APC: variants seen among roughly 807,000 people sequenced by gnomAD.
APC encodes the protein APC regulator of Wnt signaling pathway.
Under a neutral mutation model 247.0 loss-of-function variants are expected in APC, and 72 were observed. That is an observed-to-expected ratio of 0.29 (90% CI 0.24 to 0.35). The LOEUF (loss-of-function observed/expected upper bound fraction) is 0.35. Among genes scored for constraint, APC ranks in the 10% least tolerant of loss-of-function variants. The probability of loss-of-function intolerance (pLI) is 1.00; values close to 1 mark genes in which losing one functional copy is unlikely to be tolerated. For missense variants in APC, 3,400 were observed against 3,360.7 expected, an observed-to-expected ratio of 1.01 and a Z score of -0.29; for synonymous variants, 1,254 against 1,162.5, an observed-to-expected ratio of 1.08 and a Z score of -1.60.
intron 8 of APC, 119 bp downstream of exon 8, chr5:112,801,502 T>C (rs903864660): frequency 1.4e-6 from 1 of 714,756 alleles, no homozygotes; most frequent in African/African-American, 1.8e-5. Flanking sequence ...TGAATGCATA[T>C]TTCCAGAAGC....
intron 14 of APC, among the ~76,000 whole-genome samples, chr5:112,832,670 C>G (rs2149832505): frequency 6.6e-6 from 1 of 152,284 alleles, no homozygotes; most frequent in Non-Finnish European, 1.5e-5. Context: ...CCCTGCCTTT[C>G]CTCATTCTAC....
At chr5:112,718,482 A>G (rs544857655) in intron 1 of APC, among the ~76,000 whole-genome samples, 9 of 152,286 alleles carry the variant, frequency 5.9e-5, no homozygotes, top group African/African-American at 1.4e-4. Flanking sequence ...CCGGAAGCCA[A>G]TGCTGTTTTC....
At chr5:112,803,971 T>A (rs372315407) in intron 8 of APC, among the ~76,000 whole-genome samples, 1 of 152,242 alleles carries the variant, frequency 6.6e-6, no homozygotes, top group East Asian at 1.9e-4. Context: ...TGTTGCTTAC[T>A]CTTCCAAGAG....
intron 1 of APC, among the ~76,000 whole-genome samples, chr5:112,716,453 G>A (rs969004918): frequency 1.9e-4 from 29 of 152,028 alleles, no homozygotes; most frequent in African/African-American, 7.0e-4. Flanking sequence ...TGTTTCAAAG[G>A]CCTGTTATTT....
intron 1 of APC, among the ~76,000 whole-genome samples, chr5:112,740,734 C>T (rs1055728747): frequency 6.6e-6 from 1 of 151,750 alleles, no homozygotes; most frequent in Non-Finnish European, 1.5e-5. Context: ...CCATGTTGCC[C>T]AGGGTGGTCT....
intron 6 of APC, among the ~76,000 whole-genome samples, chr5:112,791,935 G>T (rs926370266): frequency 2.0e-5 from 3 of 152,012 alleles, no homozygotes; most frequent in Admixed American, 6.6e-5. Context: ...ATAAAGTCCA[G>T]TGTATTACAA....
intron 15 of APC, among the ~76,000 whole-genome samples, chr5:112,835,755 G>A (rs996539889): frequency 1.5e-4 from 23 of 151,470 alleles, no homozygotes; most frequent in Non-Finnish European, 2.9e-5. Flanking sequence ...CTATTTTTTG[G>A]TAGAGATGGG....
chr5:112,760,768 A>T (rs1364327465), intron 2 of APC, among the ~76,000 whole-genome samples: 5 of 152,144 alleles, frequency 3.3e-5, no homozygotes, highest in African/African-American at 1.2e-4. Flanking sequence ...GGGAAAACCA[A>T]ACCAGTTAGT....
At chr5:112,785,863 T>G (rs1758885587) in intron 6 of APC, among the ~76,000 whole-genome samples, 1 of 152,068 alleles carries the variant, frequency 6.6e-6, no homozygotes. Flanking sequence ...AAAATAAATC[T>G]AAAATTAATA....
Position 112,843,321 on chromosome 5 carries a change from C to T in APC, c.7727C>T (p.Ala2576Val), listed in dbSNP as rs1580685926. The T allele has an allele frequency of 6.2e-7, 1 of 1,613,636 alleles. No individual in the cohort carries two copies. Among genetic ancestry groups the T allele is most frequent in the African/African-American group, 1.3e-5 (1 of 74,996 alleles). ...RTGSSSSILS[A>V]SSESSEKAKS... ...GGAAGTTCATCTTCAATTCTTTCTGCTTCATCAGAATCCAGTGAAAAAGCA... is the reference window on the plus strand; with the variant it reads ...GGAAGTTCATCTTCAATTCTTTCTGTTTCATCAGAATCCAGTGAAAAAGCA... The change falls in exon 16 of 16, where the codon GCT becomes GTT. Residue 2576 changes from alanine to valine, a missense_variant. Coordinates refer to ENST00000257430, the MANE Select transcript of APC (RefSeq NM_000038.6). The surrounding 1 kb of genome is among the most constrained non-coding windows in gnomAD (Gnocchi z 4.8).
At chr5:112,767,041 A>G (rs1756411621) in intron 3 of APC, 148 bp from the exon 4 acceptor site, 2 of 722,758 alleles carry the variant, frequency 2.8e-6, no homozygotes, top group Admixed American at 2.5e-5. Flanking sequence ...CTTTTCAGGG[A>G]AAGTCCTAAA....
chr5:112,808,959 A>G (rs568043632), intron 8 of APC, among the ~76,000 whole-genome samples: 124 of 152,294 alleles, frequency 8.1e-4, no homozygotes, highest in African/African-American at 2.8e-3. Context: ...CAATTTAGTA[A>G]TAATGCTAGA....
chr5:112,717,726 G>A (rs1001978462), intron 1 of APC, among the ~76,000 whole-genome samples: 6 of 151,834 alleles, frequency 4.0e-5, no homozygotes, highest in Non-Finnish European at 7.4e-5. Flanking sequence ...ATTAGGCATC[G>A]GATTCTTTGG....
chr5:112,843,099 G>C lies in APC; in HGVS notation c.7505G>C (p.Gly2502Ala), dbSNP rs767036142. 6.2e-7 allele frequency: 1 copy of C among 1,614,020 alleles called. No individual in the cohort carries two copies. The highest frequency in any genetic ancestry group is 8.5e-7 in the Non-Finnish European group (1 of 1,179,948). ...SLSTHSSVQA[G>A]GWRKLPPNLS... ...TCCACACATTCGTCTGTTCAGGCTG[G>C]TGGATGGCGAAAACTCCCACCTAAT... The change falls in exon 16 of 16, where the codon GGT (glycine) becomes GCT (alanine). Residue 2502 changes from glycine (G) to alanine (A), a missense_variant. Physicochemically the swap from Gly to Ala is moderately conservative, Grantham distance 60 (BLOSUM62 0). Transcript: ENST00000257430. The surrounding 1 kb of genome is among the most constrained non-coding windows in gnomAD (Gnocchi z 4.8).
intron 5 of APC, among the ~76,000 whole-genome samples, chr5:112,780,444 TAAAAG>T (rs2149637502): frequency 6.6e-6 from 1 of 152,312 alleles, no homozygotes; most frequent in East Asian, 1.9e-4. Context: ...ATTTAATAAT[TAAAAG>T]TAGTGCCTCT....
intron 9 of APC, among the ~76,000 whole-genome samples, chr5:112,817,506 A>C (rs1762634138): frequency 6.6e-6 from 1 of 152,150 alleles, no homozygotes. Context: ...TATTTCTCTA[A>C]ATGAGAAAAC....
In APC at chr5:112,842,512, T is replaced by A. The variant is rs1060503350; in HGVS notation, c.6918T>A (p.Asp2306Glu). ...SKAPSRSGSR[D>E]STPSRPAQQP... ...CACCTTCTAGATCAGGATCTAGAGA[T>A]TCGACCCCTTCAAGACCTGCCCAGC... is the stretch of plus-strand genomic sequence containing the variant. The change falls in exon 16 of 16, where the codon GAT becomes GAA. Residue 2306 changes from aspartate to glutamate, a missense_variant. Asp to Glu is a conservative substitution (Grantham distance 45). This residue lies in a region of APC where 1,788 missense variants were observed against 1,649.5 expected (regional missense o/e 1.08). Transcript: ENST00000257430. The A allele has an allele frequency of 1.9e-6, 3 of 1,614,072 alleles. No homozygotes were observed. In the Admixed American group the frequency reaches 5.0e-5, roughly 27 times the overall value.
At chr5:112,799,839 G>A (rs1760623965) in intron 7 of APC, among the ~76,000 whole-genome samples, 1 of 151,948 alleles carries the variant, frequency 6.6e-6, no homozygotes, top group Non-Finnish European at 1.5e-5. Flanking sequence ...CTCCTACCCT[G>A]GGTCCTCTGC....
Position 112,759,183 on chromosome 5 carries a change from G to A in APC, c.135+4158G>A, listed in dbSNP as rs1345091762. Reference sequence around the variant, plus strand: ...TGTATTTTGAAGATGTAATTATCAAGTGTACTTATATCTGGTAATGAAAAG... The same window carrying A: ...TGTATTTTGAAGATGTAATTATCAAATGTACTTATATCTGGTAATGAAAAG... On this transcript the variant is annotated intron_variant, in intron 2 of 15. Transcript: ENST00000257430. 3.9e-5 allele frequency among the ~76,000 whole-genome samples: 6 copies of A among 152,106 alleles called. No individual in the cohort carries two copies. In the East Asian group the frequency reaches 7.7e-4, roughly 20 times the overall value.
Sources: allele counts gnomAD v4.1 joint callset (sites outside exome capture counted in the v4.1 genomes callset), GRCh38; gene constraint gnomAD v4.1.1; regional missense constraint gnomAD v4.1.1; non-coding constraint Gnocchi (gnomAD v3.1); transcripts MANE v1.5; gene names NCBI Gene and HGNC (gene_info 2026-07-23, HGNC 2026-07-21).